BLTP3A: variants seen among roughly 807,000 people sequenced by gnomAD.
BLTP3A encodes ICBP90 binding protein 1.
At chr6:34,835,111 T>A in the BLTP3A span, among the ~76,000 whole-genome samples, 1 of 152,186 alleles carries the variant, frequency 6.6e-6, no homozygotes, top group African/African-American at 2.4e-5. Flanking sequence ...GGCAGTTGAC[T>A]ATTGCTTTTT....
the BLTP3A span, among the ~76,000 whole-genome samples, chr6:34,837,637 C>G: frequency 6.6e-6 from 1 of 152,054 alleles, no homozygotes; most frequent in Admixed American, 6.6e-5. Context: ...ATGATTTGTG[C>G]CACTACACTC....
At chr6:34,849,596 A>G in the BLTP3A span, among the ~76,000 whole-genome samples, 1 of 152,174 alleles carries the variant, frequency 6.6e-6, no homozygotes, top group Non-Finnish European at 1.5e-5. Context: ...AGATATGAGT[A>G]GTTCATACAC....
the BLTP3A span, among the ~76,000 whole-genome samples, chr6:34,866,590 T>C: frequency 2.0e-5 from 3 of 152,184 alleles, no homozygotes; most frequent in South Asian, 4.1e-4. Context: ...AAAATACATA[T>C]GAAATTTGCC....
At chr6:34,847,526 A>T in the BLTP3A span, among the ~76,000 whole-genome samples, 1 of 151,804 alleles carries the variant, frequency 6.6e-6, no homozygotes, top group Non-Finnish European at 1.5e-5. Flanking sequence ...TCATGGTTTG[A>T]TCTTAGTAGG....
chr6:34,825,249 C>G, the BLTP3A span, among the ~76,000 whole-genome samples: 2 of 151,720 alleles, frequency 1.3e-5, no homozygotes, highest in Non-Finnish European at 2.9e-5. Context: ...CTTTTGTTTT[C>G]TTGGTAAGAA....
the BLTP3A span, among the ~76,000 whole-genome samples, chr6:34,854,677 CTT>C: frequency 6.6e-6 from 1 of 152,038 alleles, no homozygotes; most frequent in Non-Finnish European, 1.5e-5. Context: ...AGGGGTCTCT[CTT>C]GGTAGGAGAA....
At chr6:34,822,791 A>G in the BLTP3A span, among the ~76,000 whole-genome samples, 2 of 150,806 alleles carry the variant, frequency 1.3e-5, no homozygotes, top group Non-Finnish European at 2.9e-5. Flanking sequence ...TGGGAGGCAG[A>G]GGTTGCAGTG....
chr6:34,825,308 T>C, the BLTP3A span, among the ~76,000 whole-genome samples: 2 of 148,262 alleles, frequency 1.3e-5, no homozygotes, highest in African/African-American at 5.1e-5. Context: ...TTCTTTTTTC[T>C]TTTTTTTTTC....
chr6:34,818,726 C>T, the BLTP3A span, among the ~76,000 whole-genome samples: 2 of 152,126 alleles, frequency 1.3e-5, no homozygotes, highest in Non-Finnish European at 2.9e-5. Flanking sequence ...TGTCATCATG[C>T]CAATGCATTC....
chr6:34,857,551 T>C, the BLTP3A span: 2 of 1,549,596 alleles, frequency 1.3e-6, no homozygotes, highest in Non-Finnish European at 1.7e-6. Flanking sequence ...CGTATATTTT[T>C]ATTTGTTGTT....
At chr6:34,825,991 G>A in the BLTP3A span, among the ~76,000 whole-genome samples, 65,581 of 149,698 alleles carry the variant, frequency 0.44, 16,120 homozygotes, top group African/African-American at 0.67. Flanking sequence ...CTTTTCCAGA[G>A]TGGCTTACCA....
At chr6:34,863,995 T>TA in the BLTP3A span, 1 of 1,570,988 alleles carries the variant, frequency 6.4e-7, no homozygotes, top group Non-Finnish European at 8.6e-7. Flanking sequence ...TTTTTTTTTT[T>TA]AAACAGGGAG....
chr6:34,823,362 A>T, the BLTP3A span: 1 of 1,606,406 alleles, frequency 6.2e-7, no homozygotes, highest in Non-Finnish European at 8.5e-7. Context: ...AGTTTCTTTG[A>T]ACCCTGTTAT....
the BLTP3A span, among the ~76,000 whole-genome samples, chr6:34,853,851 G>A: frequency 6.6e-6 from 1 of 151,892 alleles, no homozygotes; most frequent in Non-Finnish European, 1.5e-5. Context: ...CATGAGCCAC[G>A]GTGCCTGGCC....
chr6:34,857,258 C>T, the BLTP3A span: 1 of 1,566,126 alleles, frequency 6.4e-7, no homozygotes. Context: ...AGGCTTTATG[C>T]TTCCTAAGCA....
the BLTP3A span, chr6:34,834,531 G>T: frequency 7.1e-7 from 1 of 1,408,862 alleles, no homozygotes; most frequent in South Asian, 1.4e-5. Flanking sequence ...GAACCCAGAG[G>T]CCTTTCTGTC....
the BLTP3A span, chr6:34,867,733 C>G: frequency 2.5e-5 from 33 of 1,338,774 alleles, no homozygotes; most frequent in Admixed American, 9.1e-4. Context: ...CAAGTTCTCT[C>G]CAGCAGCCAT....
the BLTP3A span, chr6:34,876,312 G>T: frequency 6.6e-6 from 1 of 152,260 alleles, no homozygotes; most frequent in East Asian, 1.9e-4. Context: ...GAAAGGACTG[G>T]CTCCCGTGTG....
chr6:34,874,431 G>A, the BLTP3A span: 1 of 152,602 alleles, frequency 6.6e-6, no homozygotes, highest in Non-Finnish European at 1.5e-5. Flanking sequence ...GGAGGCTGAA[G>A]CAGGAGAATC....
Sources: allele counts gnomAD v4.1 joint callset (sites outside exome capture counted in the v4.1 genomes callset), GRCh38; gene constraint gnomAD v4.1.1; transcripts MANE v1.5; gene names NCBI Gene and HGNC (gene_info 2026-07-23, HGNC 2026-07-21).